The following TNIP3 variants were observed in gnomAD, a reference collection of about 807,000 sequenced individuals.
The protein encoded by TNIP3 is TNFAIP3 interacting protein 3.
Under a neutral mutation model 54.1 loss-of-function variants are expected in TNIP3, and 34 were observed. The ratio of observed to expected loss-of-function variants is 0.63; its 90% CI spans 0.48 to 0.84. TNIP3 has a LOEUF of 0.84. Ranked by LOEUF, TNIP3 falls within the 40% of genes least tolerant of loss-of-function variation. The pLI is 0.00. For synonymous variants in TNIP3, 134 were observed against 136.8 expected (o/e 0.98, Z 0.14); for missense variants, 366 against 387.6 (o/e 0.94, Z 0.47).
At chr4:121,149,285 C>T (rs903631019) in intron 6 of TNIP3, among the ~76,000 whole-genome samples, 1 of 152,154 alleles carries the variant, frequency 6.6e-6, no homozygotes, top group Admixed American at 6.5e-5. Context: ...CAGTGAATTG[C>T]TAAGTGGTGC....
intron 9 of TNIP3, among the ~76,000 whole-genome samples, chr4:121,141,494 C>T (rs1313831434): frequency 1.3e-5 from 2 of 152,200 alleles, no homozygotes; most frequent in Non-Finnish European, 2.9e-5. Flanking sequence ...TATCCACTTT[C>T]CTTTATACAT....
In TNIP3 at chr4:121,145,979, T is replaced by TA. The variant is rs546016749; in HGVS notation, c.735+1069dup. On this transcript the variant is annotated intron_variant, in intron 7 of 10. Coordinates refer to ENST00000057513, the MANE Select transcript of TNIP3 (RefSeq NM_024873.6). ...GCAACAAGAGCAAAACACCATCTCA[T>TA]AAAAAAAAAAAGAGAGAGAGAGAAT... Among the ~76,000 whole-genome samples, 975 of 137,420 alleles carry TA rather than the reference T, an allele frequency of 7.1e-3. 10 individuals carry two copies. The highest frequency in any genetic ancestry group is 0.022 in the African/African-American group (851 of 38,064). 90.2% of individuals were successfully genotyped at this position (137,420 alleles called of 152,430 possible).
upstream of TNIP3, among the ~76,000 whole-genome samples, chr4:121,169,212 T>C (rs1001883083): frequency 2.6e-5 from 4 of 152,182 alleles, no homozygotes; most frequent in East Asian, 7.7e-4. Flanking sequence ...TCTGACCTCA[T>C]TCTTGGTATC....
chr4:121,226,978 C>A (rs537091039), intron 1 of TNIP3, among the ~76,000 whole-genome samples: 1 of 152,184 alleles, frequency 6.6e-6, no homozygotes, highest in African/African-American at 2.4e-5. Context: ...CCTGTAATAT[C>A]CCAAGAGGGA....
intron 10 of TNIP3, among the ~76,000 whole-genome samples, chr4:121,133,268 T>A (rs1463157521): frequency 6.6e-6 from 1 of 152,246 alleles, no homozygotes; most frequent in Non-Finnish European, 1.5e-5. Context: ...TTATCCCTGA[T>A]AACTTAAAAA....
At chr4:121,163,225 G>T (rs1041073800) in intron 1 of TNIP3, among the ~76,000 whole-genome samples, 1 of 152,108 alleles carries the variant, frequency 6.6e-6, no homozygotes, top group Non-Finnish European at 1.5e-5. Context: ...TATCACCAAA[G>T]CTTTCTCTGG....
chr4:121,191,883 A>G (rs1725325908), intron 2 of TNIP3, among the ~76,000 whole-genome samples: 2 of 152,218 alleles, frequency 1.3e-5, no homozygotes, highest in African/African-American at 4.8e-5. Context: ...ATTGATAAAA[A>G]TAATTTTATT....
At chr4:121,156,544 G>A (rs1354112732) in intron 4 of TNIP3, among the ~76,000 whole-genome samples, 1 of 152,016 alleles carries the variant, frequency 6.6e-6, no homozygotes, top group African/African-American at 2.4e-5. Context: ...TTTTAATATA[G>A]CAAAAATAAT....
chr4:121,225,730 ACTTAGTAAGCACCTTTGCCTTCC>A (rs1727229091), intron 1 of TNIP3, among the ~76,000 whole-genome samples: 1 of 152,154 alleles, frequency 6.6e-6, no homozygotes, highest in African/African-American at 2.4e-5. Flanking sequence ...TTGGCCAAAA[ACTTAGTAAGCACCTTTGCCTTCC>A]CCTTCTCACT....
chr4:121,204,269 A>AT (rs1726059583), intron 2 of TNIP3, among the ~76,000 whole-genome samples: 1 of 152,188 alleles, frequency 6.6e-6, no homozygotes, highest in Non-Finnish European at 1.5e-5. Context: ...AGATAAATGC[A>AT]TATCTGATTG....
intron 1 of TNIP3, among the ~76,000 whole-genome samples, chr4:121,225,186 A>G (rs1727204509): frequency 6.6e-6 from 1 of 152,242 alleles, no homozygotes; most frequent in Admixed American, 6.5e-5. Flanking sequence ...ATTACTTATC[A>G]CAATGATCCA....
At chr4:121,173,796 T>G (rs1724133697) in intron 3 of TNIP3, among the ~76,000 whole-genome samples, 2 of 152,090 alleles carry the variant, frequency 1.3e-5, no homozygotes, top group South Asian at 4.2e-4. Context: ...GCCCAGCTAA[T>G]TTTTTTGTAA....
At chr4:121,136,620 G>A (rs577696220) in intron 10 of TNIP3, 1 of 152,170 alleles carries the variant, frequency 6.6e-6, no homozygotes, top group Non-Finnish European at 1.5e-5. Context: ...AGAGGCAGGA[G>A]GATCACTTGA....
intron 8 of TNIP3, among the ~76,000 whole-genome samples, 176 bp downstream of exon 8, chr4:121,142,550 G>T (rs1261467507): frequency 1.3e-5 from 2 of 152,192 alleles, no homozygotes; most frequent in Non-Finnish European, 2.9e-5. Context: ...GAGTGTTAGG[G>T]TTGAAAGGCC....
chr4:121,192,113 A>G (rs967878192), intron 2 of TNIP3, among the ~76,000 whole-genome samples: 2 of 152,200 alleles, frequency 1.3e-5, no homozygotes, highest in African/African-American at 4.8e-5. Flanking sequence ...TCCTTTCAAG[A>G]CATGATTACA....
Position 121,182,227 on chromosome 4 carries a change from T to G in TNIP3, c.189+449A>C, listed in dbSNP as rs150791735. On this transcript the variant is annotated intron_variant, in intron 3 of 12. Coordinates refer to the TNIP3 transcript ENST00000507879. ...ACAAATACCCTGAAACGAGTGGAAG[T>G]TCAAAGTCAAACAACTCCTTTAATC... Among the ~76,000 whole-genome samples the G allele has an allele frequency of 2.5e-3, 379 of 152,280 alleles. 3 individuals are homozygous for G. The highest frequency in any genetic ancestry group is 8.8e-3 in the African/African-American group (365 of 41,560).
chr4:121,203,566 G>T (rs1726019013), intron 2 of TNIP3, among the ~76,000 whole-genome samples: 1 of 151,896 alleles, frequency 6.6e-6, no homozygotes, highest in Non-Finnish European at 1.5e-5. Context: ...CACCATTGAA[G>T]AATTACTCAT....
At chr4:121,166,983 C>T (rs1452260458), upstream of TNIP3, among the ~76,000 whole-genome samples, 1 of 152,050 alleles carries the variant, frequency 6.6e-6, no homozygotes, top group African/African-American at 2.4e-5. Flanking sequence ...GTCTCTAAGG[C>T]TCAATTTCCA....
chr4:121,168,175 G>T (rs1356336611), upstream of TNIP3, among the ~76,000 whole-genome samples: 1 of 152,020 alleles, frequency 6.6e-6, no homozygotes, highest in African/African-American at 2.4e-5. Flanking sequence ...ATAAGCAAGT[G>T]GCAAGGTGAA....
Sources: gnomAD v4.1 joint callset for allele counts (sites outside exome capture counted in the v4.1 genomes callset) on GRCh38, gnomAD v4.1.1 for gene constraint, MANE v1.5 for transcripts, NCBI Gene and HGNC (gene_info 2026-07-23, HGNC 2026-07-21) for gene names.